Variants in SPG11 observed in about 807,000 individuals in gnomAD.
The protein encoded by SPG11 is spatacsin.
A neutral mutation model predicts 274.0 loss-of-function variants in SPG11; 222 were observed. The ratio of observed to expected loss-of-function variants is 0.81; its 90% CI spans 0.73 to 0.91. SPG11 has a LOEUF of 0.91. SPG11 is among the 40% of genes least tolerant of loss of function. The probability of loss-of-function intolerance (pLI) is 0.00; values close to 1 mark genes in which losing one functional copy is unlikely to be tolerated. For missense variants in SPG11, 3,114 were observed against 2,872.7 expected (o/e 1.08, Z -1.92); for synonymous variants, 1,144 against 1,039.7 (o/e 1.10, Z -1.93).
At chr15:44,565,747 G>C in intron 38 of SPG11, 107 bp downstream of exon 38, 2 of 1,380,672 alleles carry the variant, frequency 1.4e-6, no homozygotes, top group Middle Eastern at 1.9e-4. Context: ...GAACTGTACT[G>C]TCCTGGTTCT....
chr15:44,651,257 A>C (rs1368150038), intron 6 of SPG11, among the ~76,000 whole-genome samples: 2 of 152,204 alleles, frequency 1.3e-5, no homozygotes, highest in African/African-American at 4.8e-5. Context: ...TAATAATAAT[A>C]AACTTCATTT....
chr15:44,600,424 G>T (rs370899281), intron 21 of SPG11, 43 bp downstream of exon 21: 2 of 1,607,336 alleles, frequency 1.2e-6, no homozygotes, highest in Non-Finnish European at 1.7e-6. Flanking sequence ...GATTACAGGT[G>T]TGAACCACTG....
At chr15:44,568,085 A>G (rs74009192) in intron 35 of SPG11, among the ~76,000 whole-genome samples, 8 of 152,300 alleles carry the variant, frequency 5.3e-5, no homozygotes, top group African/African-American at 1.9e-4. Flanking sequence ...TTCACTGTAT[A>G]AGTTTTATTA....
At chr15:44,605,903 T>G in intron 20 of SPG11, 122 bp downstream of exon 20, 1 of 864,940 alleles carries the variant, frequency 1.2e-6, no homozygotes, top group Non-Finnish European at 1.9e-6. Context: ...TATTTTTCCT[T>G]TGGAATACAC....
In SPG11 at chr15:44,621,874, T is replaced by G; in HGVS notation, c.2505A>C (p.Lys835Asn). The G allele has an allele frequency of 6.2e-7, 1 of 1,613,948 alleles. No homozygotes were observed. The highest frequency in any genetic ancestry group is 8.5e-7 in the Non-Finnish European group (1 of 1,179,900). ...TGTTAAATTCATCTTTACAATCATA[T>G]TTCAGGAATGAGTCCAAAACAGACT... is the stretch of plus-strand genomic sequence containing the variant. ...KHKSVLDSFL[K>N]YDCKDEFNKQ... Residue 835 changes from lysine to asparagine, a missense_variant, in exon 14 of 40, where the codon AAA becomes AAC. Physicochemically the swap from Lys to Asn is moderately conservative, Grantham distance 94 (BLOSUM62 0). Transcript: ENST00000261866.
chr15:44,653,985 G>T (rs946932346), intron 4 of SPG11, among the ~76,000 whole-genome samples: 12 of 152,030 alleles, frequency 7.9e-5, no homozygotes, highest in Admixed American at 1.3e-4. Context: ...ACAGGGTCTT[G>T]CTCTGTTGCC....
chr15:44,634,182 A>G (rs2084168792), intron 7 of SPG11, among the ~76,000 whole-genome samples: 1 of 151,964 alleles, frequency 6.6e-6, no homozygotes, highest in Admixed American at 6.6e-5. Flanking sequence ...AGACTACAAA[A>G]CCTTTTCAGC....
At chr15:44,625,256 C>T (rs2083865723) in intron 11 of SPG11, among the ~76,000 whole-genome samples, 1 of 152,054 alleles carries the variant, frequency 6.6e-6, no homozygotes, top group Admixed American at 6.6e-5. Flanking sequence ...TAGTTCACTG[C>T]AGCCTAGAAC....
At chr15:44,617,164 CTGTGCT>C (rs1413157840) in intron 15 of SPG11, among the ~76,000 whole-genome samples, 1 of 152,192 alleles carries the variant, frequency 6.6e-6, no homozygotes, top group African/African-American at 2.4e-5. Flanking sequence ...CTGGCTCTCT[CTGTGCT>C]GGGTGACTAC....
chr15:44,590,078 A>T (rs1223019362), intron 27 of SPG11, among the ~76,000 whole-genome samples: 1 of 152,234 alleles, frequency 6.6e-6, no homozygotes, highest in Admixed American at 6.5e-5. Flanking sequence ...AAGTGCTGGG[A>T]TTACAGGCGT....
At chr15:44,633,433 A>C in intron 8 of SPG11, 72 bp downstream of exon 8, 3 of 1,335,882 alleles carry the variant, frequency 2.2e-6, no homozygotes, top group Non-Finnish European at 3.1e-6. Context: ...CAGAAAACAC[A>C]ACATCATACT....
chr15:44,652,033 A>G (rs1475212115), intron 5 of SPG11, 94 bp from the exon 6 acceptor site: 2 of 1,571,548 alleles, frequency 1.3e-6, no homozygotes, highest in African/African-American at 2.7e-5. Context: ...TAAAAAAAAA[A>G]AGTATCTATC....
intron 27 of SPG11, among the ~76,000 whole-genome samples, chr15:44,591,931 G>A (rs1348653104): frequency 1.3e-5 from 2 of 152,132 alleles, no homozygotes; most frequent in African/African-American, 4.8e-5. Flanking sequence ...CCAACATGGT[G>A]AAACCCTGTC....
At chr15:44,616,534 G>A (rs560423130) in intron 15 of SPG11, among the ~76,000 whole-genome samples, 100 of 152,118 alleles carry the variant, frequency 6.6e-4, no homozygotes, top group African/African-American at 2.3e-3. Flanking sequence ...ACACATATAT[G>A]CAATCCCAAA....
rs997623054 is a variant in SPG11, at chr15:44,652,166, T to C, written c.970A>G (p.Asn324Asp). The C allele has an allele frequency of 1.2e-6, 2 of 1,614,182 alleles. No homozygotes were observed. Among genetic ancestry groups the C allele is most frequent in the Non-Finnish European group, 1.7e-6 (2 of 1,180,010 alleles). The change falls in exon 5 of 40, where the codon AAC becomes GAC. Residue 324 changes from asparagine to aspartate, a missense_variant. By Grantham distance (23) the Asn-to-Asp change is conservative (BLOSUM62 1). Coordinates refer to ENST00000261866, the MANE Select transcript of SPG11 (RefSeq NM_025137.4). Reference sequence around the variant, plus strand: ...AAGGAAAACTTGGCCAGTTTCATGTTGTAGGCAGAGTTAACAGGATCATCT... The same window carrying C: ...AAGGAAAACTTGGCCAGTTTCATGTCGTAGGCAGAGTTAACAGGATCATCT... ...DEDDPVNSAYNMKLAKFSFQI... is the reference protein window; with the variant it reads ...DEDDPVNSAYDMKLAKFSFQI...
intron 18 of SPG11, 152 bp from the exon 19 acceptor site, chr15:44,608,757 T>A: frequency 1.4e-6 from 1 of 724,944 alleles, no homozygotes; most frequent in Non-Finnish European, 2.2e-6. Context: ...AGTTAACAGT[T>A]CTTGTTCTGG....
intron 27 of SPG11, among the ~76,000 whole-genome samples, chr15:44,589,803 T>G (rs890869201): frequency 2.0e-5 from 3 of 152,216 alleles, no homozygotes; most frequent in African/African-American, 7.2e-5. Flanking sequence ...TAGCAGCTTC[T>G]TTATTTTTAT....
At chr15:44,645,068 C>T (rs867916098) in intron 7 of SPG11, among the ~76,000 whole-genome samples, 2 of 152,158 alleles carry the variant, frequency 1.3e-5, no homozygotes, top group Non-Finnish European at 2.9e-5. Context: ...TTAGAAATAA[C>T]TATTTTAAAA....
intron 10 of SPG11, among the ~76,000 whole-genome samples, chr15:44,627,169 C>G (rs1180483381): frequency 6.6e-6 from 1 of 152,032 alleles, no homozygotes. Flanking sequence ...AGAAAAATAT[C>G]CAGGCAGCAA....
Sources: allele counts gnomAD v4.1 joint callset (sites outside exome capture counted in the v4.1 genomes callset), GRCh38; gene constraint gnomAD v4.1.1; transcripts MANE v1.5; gene names NCBI Gene and HGNC (gene_info 2026-07-23, HGNC 2026-07-21).